The following REC114 variants were observed in gnomAD, a reference collection of about 807,000 sequenced individuals.
REC114 encodes the protein meiotic recombination protein REC114.
Under a neutral mutation model 31.3 loss-of-function variants are expected in REC114, and 27 were observed. The observed-to-expected ratio is 0.86, with a 90% CI of 0.64 to 1.19. The LOEUF is 1.19. REC114 is among the 50% of genes most tolerant of loss of function. The pLI is 0.00. For synonymous variants in REC114, 134 were observed against 127.7 expected (o/e 1.05, Z -0.33); for missense variants, 344 against 326.9 (o/e 1.05, Z -0.40).
chr15:73,457,048 A>G (rs964500694), intron 1 of REC114, among the ~76,000 whole-genome samples: 3 of 73,714 alleles, frequency 4.1e-5, no homozygotes, highest in Non-Finnish European at 9.0e-5. Context: ...GTATCTTTGT[A>G]TTTCTGTATT....
At position 73,443,242 on chromosome 15, in the gene REC114, A is replaced by G. The variant is rs754084628; in HGVS notation, c.57A>G (p.Ala19=). Residue 19 remains alanine (A), a synonymous_variant, in exon 1 of 6, where the codon GCA becomes GCG. Transcript: ENST00000331090. ...LSLGLTGGEA[A]EWPLQRYARC... ...TCGGGCTTACCGGAGGAGAAGCGGC[A>G]GAGTGGCCTCTGCAGCGGTACGCCC... 33 of 1,574,198 alleles carry G rather than the reference A, an allele frequency of 2.1e-5. No homozygotes were observed. Among genetic ancestry groups the G allele is most frequent in the Non-Finnish European group, 2.8e-5 (32 of 1,160,856 alleles).
At chr15:73,498,547 G>C (rs1893559205) in intron 2 of REC114, among the ~76,000 whole-genome samples, 1 of 152,182 alleles carries the variant, frequency 6.6e-6, no homozygotes, top group Non-Finnish European at 1.5e-5. Flanking sequence ...AGTTATCAGT[G>C]ATGGGAACAG....
At chr15:73,476,167 A>G (rs1260201183) in intron 2 of REC114, among the ~76,000 whole-genome samples, 2 of 152,240 alleles carry the variant, frequency 1.3e-5, no homozygotes, top group African/African-American at 4.8e-5. Context: ...CTCATTGTTA[A>G]GTGACATATG....
intron 2 of REC114, among the ~76,000 whole-genome samples, chr15:73,474,675 G>C (rs1472332623): frequency 6.6e-6 from 1 of 152,180 alleles, no homozygotes; most frequent in Non-Finnish European, 1.5e-5. Flanking sequence ...TTTAGGGGAT[G>C]CTAGGGATAT....
intron 2 of REC114, among the ~76,000 whole-genome samples, chr15:73,528,389 G>T (rs1336546092): frequency 6.6e-6 from 1 of 152,106 alleles, no homozygotes; most frequent in African/African-American, 2.4e-5. Context: ...CTGTCACTTA[G>T]GAAGTAATCT....
At chr15:73,485,220 A>G (rs1285017977) in intron 2 of REC114, among the ~76,000 whole-genome samples, 1 of 152,088 alleles carries the variant, frequency 6.6e-6, no homozygotes, top group East Asian at 1.9e-4. Flanking sequence ...AGTAGCTGGG[A>G]CTACAGGTGT....
At chr15:73,447,915 A>G (rs1277093568) in intron 1 of REC114, among the ~76,000 whole-genome samples, 2 of 152,068 alleles carry the variant, frequency 1.3e-5, no homozygotes, top group Non-Finnish European at 2.9e-5. Context: ...CCCCCAGCCA[A>G]GGGAAGCCGT....
intron 1 of REC114, among the ~76,000 whole-genome samples, chr15:73,456,969 G>A (rs1343545851): frequency 6.7e-6 from 1 of 149,724 alleles, no homozygotes; most frequent in African/African-American, 2.5e-5. Flanking sequence ...TAGTAAAATA[G>A]TTCTTTGTAT....
chr15:73,464,418 C>T (rs1405880089), intron 1 of REC114, among the ~76,000 whole-genome samples: 1 of 151,900 alleles, frequency 6.6e-6, no homozygotes, highest in Non-Finnish European at 1.5e-5. Flanking sequence ...CTTGTTCCCC[C>T]GGGAGCCTCG....
chr15:73,548,984 A>C (rs544200582), intron 3 of REC114, among the ~76,000 whole-genome samples: 8 of 152,328 alleles, frequency 5.3e-5, no homozygotes, highest in Admixed American at 5.2e-4. Context: ...TGATGAGAAC[A>C]CATGAATACA....
At chr15:73,496,344 T>A in intron 2 of REC114, among the ~76,000 whole-genome samples, 1 of 86,228 alleles carries the variant, frequency 1.2e-5, no homozygotes, top group East Asian at 4.1e-4. Flanking sequence ...AGAGCAAGAC[T>A]CCTTCTCAAA....
chr15:73,529,280 G>A (rs1026665574), intron 2 of REC114, among the ~76,000 whole-genome samples: 16 of 151,986 alleles, frequency 1.1e-4, no homozygotes, highest in Middle Eastern at 3.2e-3. Context: ...TGGGACTACA[G>A]GCGCCCGCCA....
intron 2 of REC114, among the ~76,000 whole-genome samples, chr15:73,529,261 C>T (rs1295457449): frequency 6.6e-6 from 1 of 152,010 alleles, no homozygotes; most frequent in Non-Finnish European, 1.5e-5. Flanking sequence ...CCTCAGCCTC[C>T]TGAGTAGCTG....
At chr15:73,460,072 A>G (rs74905521) in intron 1 of REC114, among the ~76,000 whole-genome samples, 3,870 of 152,232 alleles carry the variant, frequency 0.025, 98 homozygotes, top group African/African-American at 0.061. Context: ...TTCTATGACA[A>G]AATTATTAGT....
At chr15:73,492,984 T>A (rs895011734) in intron 2 of REC114, among the ~76,000 whole-genome samples, 2 of 151,632 alleles carry the variant, frequency 1.3e-5, no homozygotes, top group South Asian at 2.1e-4. Flanking sequence ...ATTTCTGCCA[T>A]TTTTTTTACT....
chr15:73,455,884 T>C (rs1892908275), intron 1 of REC114, among the ~76,000 whole-genome samples: 1 of 152,202 alleles, frequency 6.6e-6, no homozygotes, highest in East Asian at 1.9e-4. Flanking sequence ...AATGAGATTC[T>C]AGTTCTAACA....
chr15:73,443,339 TG>T lies in REC114; in HGVS notation c.156del (p.Trp52Ter), dbSNP rs757491816. Reference sequence around the variant, plus strand: ...AGCTGGGACAGCCCCCTGCCCCACATGGAAGGTGAGGCCCGAAGGCAGGAAT... The same window carrying T: ...AGCTGGGACAGCCCCCTGCCCCACATGAAGGTGAGGCCCGAAGGCAGGAAT... The part of the protein sequence containing the change: ...LEAGTAPCPT[W>X]KVFDSNEESG... On this transcript the variant is annotated frameshift_variant, in exon 1 of 6. Coordinates refer to ENST00000331090, the MANE Select transcript of REC114 (RefSeq NM_001042367.2). LOFTEE classifies it high-confidence loss of function. 6.4e-7 allele frequency: 1 copy of T among 1,572,720 alleles called. No individual in the cohort carries two copies.
intron 2 of REC114, among the ~76,000 whole-genome samples, chr15:73,529,958 G>A (rs1424465511): frequency 1.3e-5 from 2 of 152,166 alleles, no homozygotes; most frequent in Non-Finnish European, 2.9e-5. Flanking sequence ...GATAAAAATT[G>A]TAAAACACAG....
At chr15:73,488,521 T>C (rs1056758928) in intron 2 of REC114, among the ~76,000 whole-genome samples, 6 of 152,226 alleles carry the variant, frequency 3.9e-5, no homozygotes, top group Admixed American at 2.6e-4. Flanking sequence ...AGAGATTTCT[T>C]CTACTAAATA....
Sources: allele counts gnomAD v4.1 joint callset (sites outside exome capture counted in the v4.1 genomes callset), GRCh38; gene constraint gnomAD v4.1.1; transcripts MANE v1.5; gene names NCBI Gene and HGNC (gene_info 2026-07-23, HGNC 2026-07-21).